Variants in RNGTT observed in about 807,000 individuals in gnomAD.
RNGTT encodes the protein mRNA-capping enzyme.
RNGTT carries 33 observed loss-of-function variants against 79.3 expected under a neutral mutation model. The observed-to-expected ratio is 0.42, with a 90% CI of 0.32 to 0.56. The LOEUF is 0.56. Ranked by LOEUF, RNGTT falls within the 20% of genes least tolerant of loss-of-function variation. The pLI, the probability that RNGTT is intolerant of heterozygous loss-of-function variation, is 0.17. For synonymous variants in RNGTT, 222 were observed against 235.9 expected (o/e 0.94, Z 0.54); for missense variants, 497 against 739.1 (o/e 0.67, Z 3.80).
chr6:88,716,654 C>T (rs1776525668), intron 13 of RNGTT, among the ~76,000 whole-genome samples: 1 of 152,140 alleles, frequency 6.6e-6, no homozygotes, highest in Non-Finnish European at 1.5e-5. Flanking sequence ...ATGATGAGTT[C>T]ATGTCCTTTG....
intron 11 of RNGTT, among the ~76,000 whole-genome samples, chr6:88,836,253 C>T (rs1781076809): frequency 6.6e-6 from 1 of 151,016 alleles, no homozygotes; most frequent in Admixed American, 6.6e-5. Context: ...TAATTGATGA[C>T]ACTTTATAAT....
chr6:88,896,676 T>C (rs1783260025), intron 6 of RNGTT, among the ~76,000 whole-genome samples: 1 of 152,184 alleles, frequency 6.6e-6, no homozygotes. Flanking sequence ...AATTTACTCA[T>C]GAATAAGTAC....
intron 14 of RNGTT, among the ~76,000 whole-genome samples, chr6:88,622,227 A>G (rs1772465658): frequency 6.6e-6 from 1 of 152,200 alleles, no homozygotes; most frequent in Admixed American, 6.5e-5. Context: ...AAGTTTATAA[A>G]ATATACTCAA....
intron 4 of RNGTT, among the ~76,000 whole-genome samples, chr6:88,919,514 G>C (rs1784098852): frequency 6.6e-6 from 1 of 152,036 alleles, no homozygotes; most frequent in Non-Finnish European, 1.5e-5. Context: ...GGGGGGTATA[G>C]ACAGGGTCTC....
At chr6:88,754,669 G>T (rs368056362) in intron 13 of RNGTT, among the ~76,000 whole-genome samples, 3 of 152,162 alleles carry the variant, frequency 2.0e-5, no homozygotes, top group Non-Finnish European at 4.4e-5. Context: ...TGATGCCCCC[G>T]CTGAAGGCTG....
At chr6:88,948,512 C>T (rs1223587362) in intron 1 of RNGTT, among the ~76,000 whole-genome samples, 77 of 148,406 alleles carry the variant, frequency 5.2e-4, no homozygotes, top group East Asian at 6.3e-4. Context: ...CCCGCCCGGC[C>T]GGCCGCCCCG....
intron 12 of RNGTT, among the ~76,000 whole-genome samples, chr6:88,798,325 C>T (rs1211162911): frequency 1.3e-5 from 2 of 151,824 alleles, no homozygotes; most frequent in Admixed American, 6.6e-5. Context: ...ATTAGCAAGG[C>T]GTGGTGGTGC....
chr6:88,812,935 T>C (rs1434779457), intron 11 of RNGTT, among the ~76,000 whole-genome samples: 1 of 152,200 alleles, frequency 6.6e-6, no homozygotes, highest in Non-Finnish European at 1.5e-5. Context: ...TACATATTCA[T>C]TTTTAGAAAA....
rs557653526 is a variant in RNGTT, at chr6:88,839,950, T to G, written c.1269+4407A>C. Among the ~76,000 whole-genome samples, 87 of 152,342 alleles carry G rather than the reference T, an allele frequency of 5.7e-4. 1 individual carries two copies. The South Asian group carries it at 0.016, about 29-fold the overall frequency. ...TCAAATTAAACAAAACAAAGAGTTA[T>G]AGAGCAATATTAATAAATTCCTAAA... On this transcript the variant is annotated intron_variant, in intron 11 of 15. Coordinates refer to ENST00000369485, the MANE Select transcript of RNGTT (RefSeq NM_003800.5).
chr6:88,615,766 T>C (rs1405941013), intron 14 of RNGTT, among the ~76,000 whole-genome samples: 3 of 152,166 alleles, frequency 2.0e-5, no homozygotes, highest in African/African-American at 7.2e-5. Flanking sequence ...ATTTACTGGG[T>C]CACTGAAAGA....
intron 13 of RNGTT, among the ~76,000 whole-genome samples, chr6:88,757,077 A>C (rs879392081): frequency 3.9e-5 from 6 of 152,224 alleles, no homozygotes; most frequent in Non-Finnish European, 8.8e-5. Context: ...ACTAGTCATC[A>C]AACACGTAAC....
intron 6 of RNGTT, among the ~76,000 whole-genome samples, chr6:88,902,189 T>TA (rs909547730): frequency 8.8e-5 from 13 of 148,532 alleles, no homozygotes; most frequent in East Asian, 4.1e-4. Flanking sequence ...CCTATCTCTT[T>TA]AAAAAAAAAT....
chr6:88,672,220 C>T (rs200489547), intron 14 of RNGTT, among the ~76,000 whole-genome samples: 14 of 80,928 alleles, frequency 1.7e-4, no homozygotes, highest in South Asian at 3.9e-4. Context: ...TATATATATA[C>T]ACACACACAC....
At position 88,854,200 on chromosome 6, in the gene RNGTT, G is replaced by A. The variant is rs571683236; in HGVS notation, c.897-436C>T. ...CCACCTCAGCCTCCCAAAGTGCTGC[G>A]ATTACAGCGATGAGCCACCACGCCT... On this transcript the variant is annotated intron_variant, in intron 8 of 15. Transcript: ENST00000369485. Among the ~76,000 whole-genome samples, 5 of 152,100 alleles carry A rather than the reference G, an allele frequency of 3.3e-5. No homozygotes were observed. In the East Asian group the frequency reaches 5.8e-4, roughly 18 times the overall value.
At chr6:88,694,191 G>C (rs1775578829) in intron 13 of RNGTT, among the ~76,000 whole-genome samples, 1 of 151,964 alleles carries the variant, frequency 6.6e-6, no homozygotes, top group Non-Finnish European at 1.5e-5. Context: ...TATGGAGAGA[G>C]CTATAAAGAT....
At chr6:88,945,017 T>C (rs1056879082) in intron 1 of RNGTT, among the ~76,000 whole-genome samples, 2 of 152,252 alleles carry the variant, frequency 1.3e-5, no homozygotes, top group African/African-American at 2.4e-5. Flanking sequence ...TCTGCTGATA[T>C]GACTAAGGTC....
At chr6:88,686,736 A>C (rs771216919) in intron 13 of RNGTT, among the ~76,000 whole-genome samples, 1 of 152,186 alleles carries the variant, frequency 6.6e-6, no homozygotes, top group Non-Finnish European at 1.5e-5. Context: ...AAATAATGCC[A>C]TACAGGAAAA....
Position 88,890,496 on chromosome 6 carries a change from G to A in RNGTT, c.895C>T (p.Arg299Trp), listed in dbSNP as rs754285480. ...AATTTTTTTAGAAGTCTAACTTACC[G>A]AGTACCATCTGCTTTCCAGCTTACT... ...YKVSWKADGT[R>W]YMMLIDGTNE... The change falls in exon 8 of 16, where the codon CGG (arginine) becomes TGG (tryptophan). Residue 299 changes from arginine to tryptophan, a missense_variant and splice_region_variant. By Grantham distance (101) the Arg-to-Trp change is moderately radical. Coordinates refer to ENST00000369485, the MANE Select transcript of RNGTT (RefSeq NM_003800.5). 1 of 1,595,064 alleles carries A rather than the reference G, an allele frequency of 6.3e-7. No individual in the cohort carries two copies. The highest frequency in any genetic ancestry group is 1.3e-5 in the African/African-American group (1 of 74,474).
intron 1 of RNGTT, among the ~76,000 whole-genome samples, chr6:88,957,163 A>G (rs1785460710): frequency 6.6e-6 from 1 of 152,258 alleles, no homozygotes; most frequent in Non-Finnish European, 1.5e-5. Flanking sequence ...TCATGATTAA[A>G]ACCTTCAGCA....
Sources: gnomAD v4.1 joint callset for allele counts (sites outside exome capture counted in the v4.1 genomes callset) on GRCh38, gnomAD v4.1.1 for gene constraint, MANE v1.5 for transcripts, NCBI Gene and HGNC (gene_info 2026-07-23, HGNC 2026-07-21) for gene names.